STAG1: variants seen among roughly 807,000 people sequenced by gnomAD.
STAG1 encodes the protein STAG1 cohesin complex component.
Under a neutral mutation model 170.9 loss-of-function variants are expected in STAG1, and 26 were observed. The ratio of observed to expected loss-of-function variants is 0.15; its 90% CI spans 0.11 to 0.21. The LOEUF is 0.21. Among genes scored for constraint, STAG1 ranks in the 10% least tolerant of loss-of-function variants. The probability of loss-of-function intolerance (pLI) is 1.00; values close to 1 mark genes in which losing one functional copy is unlikely to be tolerated. For missense variants in STAG1, 964 were observed against 1,509.5 expected (o/e 0.64, Z 5.99); for synonymous variants, 514 against 497.7 (o/e 1.03, Z -0.44).
intron 1 of STAG1, among the ~76,000 whole-genome samples, chr3:136,660,581 T>C (rs1251749378): frequency 6.6e-6 from 1 of 152,174 alleles, no homozygotes; most frequent in African/African-American, 2.4e-5. Context: ...TTGGGTAACA[T>C]ACTCTAAAGA....
intron 13 of STAG1, among the ~76,000 whole-genome samples, chr3:136,464,641 C>G (rs947337993): frequency 3.3e-5 from 5 of 151,938 alleles, no homozygotes; most frequent in Non-Finnish European, 5.9e-5. Context: ...TCTCCACTCA[C>G]ATCTAGCTGA....
At chr3:136,667,480 T>A (rs1201083223) in intron 1 of STAG1, among the ~76,000 whole-genome samples, 11 of 152,210 alleles carry the variant, frequency 7.2e-5, no homozygotes, top group Non-Finnish European at 1.5e-5. Context: ...TATGAACATA[T>A]GAAAATGGTT....
rs564010818 is a variant in STAG1 at position 136,441,158 on chromosome 3, G to A, written c.1546+2129C>T. ...AGTGATCCTCCTGCCTCAGCCTCCCGAGTAGATGGGATTACAAGTGCCCGC... is the reference window on the plus strand; with the variant it reads ...AGTGATCCTCCTGCCTCAGCCTCCCAAGTAGATGGGATTACAAGTGCCCGC... On this transcript the variant is annotated intron_variant, in intron 15 of 33. Transcript: ENST00000383202. Among the ~76,000 whole-genome samples the A allele has an allele frequency of 1.9e-3, 289 of 150,492 alleles. 1 individual carries two copies. Among genetic ancestry groups the A allele is most frequent in the Admixed American group, 4.0e-3 (60 of 14,964 alleles).
intron 4 of STAG1, 130 bp downstream of exon 4, chr3:136,604,179 T>C: frequency 2.5e-6 from 2 of 786,940 alleles, no homozygotes; most frequent in Non-Finnish European, 3.8e-6. Flanking sequence ...ATAATAACCT[T>C]TCAGGATAAA....
At chr3:136,384,011 C>T (rs1269938111) in intron 22 of STAG1, among the ~76,000 whole-genome samples, 4 of 150,810 alleles carry the variant, frequency 2.7e-5, no homozygotes, top group Non-Finnish European at 5.9e-5. Context: ...AGCAACAGGC[C>T]CAAAGACACA....
At chr3:136,469,175 T>C (rs999336429) in intron 12 of STAG1, among the ~76,000 whole-genome samples, 3 of 152,080 alleles carry the variant, frequency 2.0e-5, no homozygotes, top group Admixed American at 1.3e-4. Context: ...GGTATTCAAT[T>C]AGGAAAAGAG....
chr3:136,586,030 A>G (rs1038096089), intron 4 of STAG1, among the ~76,000 whole-genome samples: 6 of 152,192 alleles, frequency 3.9e-5, no homozygotes, highest in Non-Finnish European at 7.3e-5. Flanking sequence ...CTGTATTTCA[A>G]TTCTTACTGA....
intron 4 of STAG1, among the ~76,000 whole-genome samples, chr3:136,574,528 C>T (rs565168038): frequency 6.6e-6 from 1 of 152,028 alleles, no homozygotes; most frequent in East Asian, 1.9e-4. Context: ...CCGTAAGAAA[C>T]ATGTTGTGGT....
chr3:136,412,764 A>C (rs2087661558), intron 21 of STAG1, among the ~76,000 whole-genome samples: 1 of 152,216 alleles, frequency 6.6e-6, no homozygotes, highest in Admixed American at 6.5e-5. Flanking sequence ...AGGTTAAAGG[A>C]GACAAAAACA....
At chr3:136,447,829 G>A (rs2088828600) in intron 14 of STAG1, among the ~76,000 whole-genome samples, 1 of 151,996 alleles carries the variant, frequency 6.6e-6, no homozygotes, top group African/African-American at 2.4e-5. Flanking sequence ...GTGTTAGCCA[G>A]GATGGTCTCG....
At chr3:136,425,406 T>A (rs566440408) in intron 16 of STAG1, among the ~76,000 whole-genome samples, 1 of 152,292 alleles carries the variant, frequency 6.6e-6, no homozygotes, top group Non-Finnish European at 1.5e-5. Context: ...TATGTGTACA[T>A]GCCTTTACCT....
At chr3:136,470,653 T>G (rs1469192800) in intron 12 of STAG1, among the ~76,000 whole-genome samples, 8 of 152,174 alleles carry the variant, frequency 5.3e-5, no homozygotes, top group Non-Finnish European at 1.2e-4. Flanking sequence ...CCCAAAGGAT[T>G]ATAATCATGC....
At chr3:136,342,761 A>C (rs1936035030) in intron 30 of STAG1, among the ~76,000 whole-genome samples, 1 of 152,212 alleles carries the variant, frequency 6.6e-6, no homozygotes, top group Non-Finnish European at 1.5e-5. Flanking sequence ...TAAACCTATA[A>C]ACCTGGAGCA....
chr3:136,510,330 C>T (rs759489834), intron 7 of STAG1, among the ~76,000 whole-genome samples: 3 of 152,170 alleles, frequency 2.0e-5, no homozygotes, highest in Admixed American at 6.5e-5. Context: ...CATTCTGTCG[C>T]CCAGACGGGA....
At chr3:136,532,242 T>C (rs1424707304) in intron 6 of STAG1, among the ~76,000 whole-genome samples, 1 of 152,174 alleles carries the variant, frequency 6.6e-6, no homozygotes, top group Non-Finnish European at 1.5e-5. Flanking sequence ...GATCATGGTA[T>C]ATTACCTTTT....
intron 16 of STAG1, among the ~76,000 whole-genome samples, chr3:136,430,430 A>G (rs1252853145): frequency 6.6e-6 from 1 of 152,138 alleles, no homozygotes; most frequent in Non-Finnish European, 1.5e-5. Flanking sequence ...TTTTGCTCCA[A>G]TATAGTTCCA....
At chr3:136,728,800 G>C (rs1170360617) in intron 1 of STAG1, among the ~76,000 whole-genome samples, 1 of 152,170 alleles carries the variant, frequency 6.6e-6, no homozygotes, top group Non-Finnish European at 1.5e-5. Context: ...TGCCTGGTGA[G>C]ATGATGCATA....
chr3:136,563,518 A>ACACG (rs771649992), intron 5 of STAG1, among the ~76,000 whole-genome samples: 24 of 151,566 alleles, frequency 1.6e-4, no homozygotes, highest in Non-Finnish European at 3.1e-4. Context: ...CGACACACAC[A>ACACG]CACGCACGCA....
At chr3:136,713,341 G>A (rs1302662088) in intron 1 of STAG1, among the ~76,000 whole-genome samples, 1 of 152,064 alleles carries the variant, frequency 6.6e-6, no homozygotes, top group Non-Finnish European at 1.5e-5. Context: ...CCAGCACTTT[G>A]GGAGGCCAAG....
Sources: allele counts gnomAD v4.1 joint callset (sites outside exome capture counted in the v4.1 genomes callset), GRCh38; gene constraint gnomAD v4.1.1; transcripts MANE v1.5; gene names NCBI Gene and HGNC (gene_info 2026-07-23, HGNC 2026-07-21).